The following ZNF705A variants were observed in gnomAD, a reference collection of about 807,000 sequenced individuals.
ZNF705A encodes zinc finger protein 705A.
In ZNF705A, 8 loss-of-function variants were observed where a neutral mutation model predicts 16.6. The observed-to-expected ratio is 0.48, with a 90% CI of 0.28 to 0.87. The LOEUF (loss-of-function observed/expected upper bound fraction) is 0.87, where lower values mean the gene tolerates loss of function less well. Ranked by LOEUF, ZNF705A falls within the 40% of genes least tolerant of loss-of-function variation. The pLI is 0.10. For missense variants in ZNF705A, 233 were observed against 359.9 expected (o/e 0.65, Z 2.85); for synonymous variants, 73 against 117.3 (o/e 0.62, Z 2.44).
upstream of ZNF705A, among the ~76,000 whole-genome samples, chr12:8,167,815 G>A (rs901305482): frequency 1.3e-5 from 2 of 152,306 alleles, no homozygotes; most frequent in East Asian, 1.9e-4. Flanking sequence ...GAGACTGAGC[G>A]CTAAGTTTCA....
upstream of ZNF705A, among the ~76,000 whole-genome samples, chr12:8,170,191 C>G (rs771038587): frequency 1.9e-3 from 230 of 123,620 alleles, 6 homozygotes; most frequent in South Asian, 0.019. Flanking sequence ...CTCTCCCCCC[C>G]CCCCCAAAAA....
chr12:8,170,733 A>G (rs1948439047), upstream of ZNF705A, among the ~76,000 whole-genome samples: 1 of 152,198 alleles, frequency 6.6e-6, no homozygotes, highest in Admixed American at 6.5e-5. Flanking sequence ...TGAATTATAG[A>G]CTACATAATA....
intron 1 of ZNF705A, among the ~76,000 whole-genome samples, chr12:8,173,969 T>C (rs1235657639): frequency 6.6e-6 from 1 of 152,176 alleles, no homozygotes; most frequent in African/African-American, 2.4e-5. Flanking sequence ...TTGTGACAAA[T>C]CCGTAATTTA....
chr12:8,177,857 A>G (rs1043994884), exon 5 of ZNF705A: 32 of 563,008 alleles, frequency 5.7e-5, no homozygotes, highest in Middle Eastern at 4.7e-4. Flanking sequence ...AAGATACTTC[A>G]GTTACCTTTA....
intron 1 of ZNF705A, among the ~76,000 whole-genome samples, chr12:8,158,029 A>G (rs1407943039): frequency 6.6e-6 from 1 of 152,102 alleles, no homozygotes; most frequent in Non-Finnish European, 1.5e-5. Flanking sequence ...TAAATAATTA[A>G]CTATAGATCA....
chr12:8,176,638 G>C (rs767887075), intron 4 of ZNF705A, among the ~76,000 whole-genome samples: 26 of 152,306 alleles, frequency 1.7e-4, no homozygotes, highest in Non-Finnish European at 3.1e-4. Flanking sequence ...AACTGGGGAT[G>C]ACTGCACCTG....
chr12:8,171,390 T>C (rs1228565026), upstream of ZNF705A, among the ~76,000 whole-genome samples: 1 of 152,220 alleles, frequency 6.6e-6, no homozygotes, highest in Non-Finnish European at 1.5e-5. Flanking sequence ...TACCTACATA[T>C]CTATGTACGA....
intron 1 of ZNF705A, among the ~76,000 whole-genome samples, chr12:8,160,292 G>T (rs1183851446): frequency 1.3e-5 from 2 of 152,002 alleles, no homozygotes; most frequent in Admixed American, 1.3e-4. Flanking sequence ...GCTTAGTCTT[G>T]CTTTAACTAT....
rs561425562 is a variant in ZNF705A at position 8,159,053 on chromosome 12, A to T, written c.-72+1961A>T. 7.9e-5 allele frequency among the ~76,000 whole-genome samples: 12 copies of T among 152,256 alleles called. 1 individual carries two copies. In the South Asian group the frequency reaches 2.3e-3, roughly 29 times the overall value. ...GCTTAGCTCCCACATATCAATGAGC[A>T]CATATGATGTTTAGTTTTCCATTCC... On this transcript the variant is annotated intron_variant, in intron 1 of 5. Transcript: ENST00000396570.
intron 1 of ZNF705A, among the ~76,000 whole-genome samples, chr12:8,163,325 T>A (rs755628559): frequency 8.7e-4 from 132 of 152,298 alleles, no homozygotes; most frequent in Middle Eastern, 6.8e-3. Context: ...TATTTTTTTT[T>A]AAATTGGTCA....
intron 1 of ZNF705A, among the ~76,000 whole-genome samples, chr12:8,157,826 T>G (rs1451846938): frequency 2.6e-5 from 4 of 151,936 alleles, no homozygotes; most frequent in Non-Finnish European, 1.5e-5. Flanking sequence ...ATAATTAGAG[T>G]TTTCTTGAGC....
At chr12:8,163,964 G>A (rs1425659173) in intron 1 of ZNF705A, among the ~76,000 whole-genome samples, 6 of 152,002 alleles carry the variant, frequency 3.9e-5, no homozygotes, top group East Asian at 3.9e-4. Context: ...AATATTTAAG[G>A]TGTGCATCTC....
chr12:8,170,998 G>C (rs1269230979), upstream of ZNF705A, among the ~76,000 whole-genome samples: 1 of 152,204 alleles, frequency 6.6e-6, no homozygotes, highest in Non-Finnish European at 1.5e-5. Flanking sequence ...CAAAAAGCAA[G>C]AAGAGGCAGT....
chr12:8,176,458 G>GA (rs1159460134), intron 4 of ZNF705A, among the ~76,000 whole-genome samples: 5 of 152,160 alleles, frequency 3.3e-5, no homozygotes, highest in African/African-American at 9.7e-5. Flanking sequence ...AAGGTAGGTA[G>GA]AAAAAATAGT....
intron 1 of ZNF705A, among the ~76,000 whole-genome samples, chr12:8,164,119 T>A (rs938744845): frequency 1.7e-4 from 26 of 152,158 alleles, no homozygotes; most frequent in Non-Finnish European, 3.1e-4. Context: ...TCTACCCTTT[T>A]AGCAAATTTT....
At chr12:8,166,601 C>T (rs1294579056) in intron 1 of ZNF705A, among the ~76,000 whole-genome samples, 1 of 152,206 alleles carries the variant, frequency 6.6e-6, no homozygotes, top group African/African-American at 2.4e-5. Context: ...CCAATTAAAC[C>T]TCTTTCTTTT....
At chr12:8,175,738 A>G (rs2120731508) in intron 3 of ZNF705A, 122 bp from the exon 5 acceptor site, 1 of 1,403,420 alleles carries the variant, frequency 7.1e-7, no homozygotes, top group Non-Finnish European at 9.9e-7. Flanking sequence ...TAGTTTCTTC[A>G]TTTGACACAC....
chr12:8,176,883 A>G, intron 4 of ZNF705A, 116 bp from the exon 6 acceptor site: 1 of 1,448,360 alleles, frequency 6.9e-7, no homozygotes, highest in Non-Finnish European at 9.4e-7. Context: ...GAAACATTGG[A>G]AAGCTTTCAA....
At chr12:8,177,795 T>C in exon 5 of ZNF705A, 3 of 777,724 alleles carry the variant, frequency 3.9e-6, no homozygotes, top group Non-Finnish European at 6.0e-6. Context: ...AGTTGTAGCA[T>C]CTAAACATGC....
Sources: allele counts gnomAD v4.1 joint callset (sites outside exome capture counted in the v4.1 genomes callset), GRCh38; gene constraint gnomAD v4.1.1; transcripts MANE v1.5; gene names NCBI Gene and HGNC (gene_info 2026-07-23, HGNC 2026-07-21).